KIR2DL4: variants seen among roughly 807,000 people sequenced by gnomAD.
The protein encoded by KIR2DL4 is killer cell immunoglobulin like receptor, two Ig domains and long cytoplasmic tail 4.
Under a neutral mutation model 31.0 loss-of-function variants are expected in KIR2DL4, and 41 were observed. The ratio of observed to expected loss-of-function variants is 1.32; its 90% CI spans 1.03 to 1.72. The LOEUF is 1.72. Among genes scored for constraint, KIR2DL4 ranks in the 40% most tolerant of loss-of-function variants. The probability of loss-of-function intolerance (pLI) is 0.00; values close to 1 mark genes in which losing one functional copy is unlikely to be tolerated. For synonymous variants in KIR2DL4, 164 were observed against 133.6 expected, an observed-to-expected ratio of 1.23 and a Z score of -1.57; for missense variants, 438 against 353.7, an observed-to-expected ratio of 1.24 and a Z score of -1.91.
chr19:54,806,073 G>C (rs540514355), exon 4 of KIR2DL4: 6 of 1,611,618 alleles, frequency 3.7e-6, no homozygotes, highest in Non-Finnish European at 5.1e-6. Context: ...CAGGGAGGGG[G>C]AAGCCCATGA....
exon 8 of KIR2DL4, chr19:54,814,454 C>T: frequency 3.1e-6 from 1 of 320,744 alleles, no homozygotes; most frequent in South Asian, 3.5e-5. Flanking sequence ...CATCAGCAAA[C>T]CTTATAAAAT....
chr19:54,810,651 G>A (rs1258787760), intron 5 of KIR2DL4, among the ~76,000 whole-genome samples: 2 of 151,378 alleles, frequency 1.3e-5, no homozygotes, highest in African/African-American at 4.9e-5. Flanking sequence ...AATGACATGG[G>A]GAGAATGACA....
At chr19:54,808,806 A>G in intron 4 of KIR2DL4, 27 bp from the exon 5 acceptor site, 1 of 1,515,614 alleles carries the variant, frequency 6.6e-7, no homozygotes, top group Admixed American at 1.7e-5. Flanking sequence ...CCTCATTGCC[A>G]CACCTCTCTC....
At chr19:54,810,456 G>A (rs1463158214) in intron 5 of KIR2DL4, among the ~76,000 whole-genome samples, 3 of 151,204 alleles carry the variant, frequency 2.0e-5, no homozygotes. Context: ...AGATAATGCT[G>A]AGTGTATAAT....
intron 4 of KIR2DL4, among the ~76,000 whole-genome samples, chr19:54,806,517 G>A (rs1288657264): frequency 6.6e-6 from 1 of 151,142 alleles, no homozygotes; most frequent in Non-Finnish European, 1.5e-5. Context: ...TCAGTTTGGG[G>A]AGATCAGAGG....
chr19:54,812,194 C>G (rs1198982266), intron 5 of KIR2DL4, among the ~76,000 whole-genome samples: 1 of 151,190 alleles, frequency 6.6e-6, no homozygotes, highest in African/African-American at 2.4e-5. Context: ...ACAGAACACA[C>G]AGGGAATACA....
chr19:54,804,231 G>A (rs1163442206), intron 2 of KIR2DL4, among the ~76,000 whole-genome samples: 1 of 150,810 alleles, frequency 6.6e-6, no homozygotes, highest in Non-Finnish European at 1.5e-5. Flanking sequence ...GGCCCAGGCG[G>A]GATACTGAGG....
chr19:54,810,665 C>G (rs1212760563), intron 5 of KIR2DL4, among the ~76,000 whole-genome samples: 1 of 151,258 alleles, frequency 6.6e-6, no homozygotes, highest in African/African-American at 2.4e-5. Context: ...AATGACAAGA[C>G]GACTGTGGAG....
At chr19:54,813,903 C>T in exon 8 of KIR2DL4, 1 of 1,612,474 alleles carries the variant, frequency 6.2e-7, no homozygotes, top group Non-Finnish European at 8.5e-7. Context: ...TGCATTTTCA[C>T]ACAGAGAAAA....
At chr19:54,813,143 A>T (rs763792207) in exon 6 of KIR2DL4, 2 of 1,507,396 alleles carry the variant, frequency 1.3e-6, no homozygotes, top group African/African-American at 3.2e-5. Flanking sequence ...AGACACCTGC[A>T]TGCTGTGATT....
chr19:54,814,114 G>A (rs1322586541), exon 8 of KIR2DL4: 5 of 1,609,996 alleles, frequency 3.1e-6, no homozygotes, highest in Admixed American at 1.7e-5. Flanking sequence ...GAATCTGAAG[G>A]CGTGAGTCTC....
intron 3 of KIR2DL4, 37 bp from the exon 4 acceptor site, chr19:54,805,914 A>C: frequency 6.4e-7 from 1 of 1,559,296 alleles, no homozygotes; most frequent in Middle Eastern, 1.7e-4. Flanking sequence ...GTGACAAGGA[A>C]GAACCTCCCT....
At chr19:54,803,824 C>T in intron 1 of KIR2DL4, 67 bp from the exon 2 acceptor site, 12 of 1,565,546 alleles carry the variant, frequency 7.7e-6, no homozygotes, top group Non-Finnish European at 1.1e-5. Flanking sequence ...GCGTGGCGCC[C>T]AGTGGCTCAG....
exon 4 of KIR2DL4, chr19:54,806,142 G>T: frequency 6.2e-7 from 1 of 1,611,930 alleles, no homozygotes; most frequent in Non-Finnish European, 8.5e-7. Context: ...CTTCCCTCTG[G>T]GTCCTGCCAC....
At chr19:54,813,791 G>A in intron 7 of KIR2DL4, 49 bp downstream of exon 6, 1 of 1,611,710 alleles carries the variant, frequency 6.2e-7, no homozygotes, top group East Asian at 2.2e-5. Flanking sequence ...TTCCGAAATA[G>A]TCCTGAAAAA....
chr19:54,804,714 G>A, intron 2 of KIR2DL4, 79 bp from the exon 3 acceptor site: 14 of 1,450,714 alleles, frequency 9.7e-6, no homozygotes, highest in Non-Finnish European at 1.3e-5. Flanking sequence ...AAGAAGAAAT[G>A]GGGAGAATCT....
chr19:54,806,222 C>A, exon 4 of KIR2DL4: 1 of 1,610,354 alleles, frequency 6.2e-7, no homozygotes, highest in South Asian at 1.1e-5. Flanking sequence ...ACCCGAGTGA[C>A]CCACTGCCTG....
At position 54,804,650 on chromosome 19, in the gene KIR2DL4, C is replaced by A. The variant is rs1244640993; in HGVS notation, c.77-143C>A. 1.8e-5 allele frequency: 14 copies of A among 794,278 alleles called. No individual in the cohort carries two copies. The Admixed American group carries it at 3.1e-4, about 18-fold the overall frequency. The allele number at this position is 794,278 out of a possible 1,614,324, so 49.2% of individuals were successfully genotyped here. On this transcript the variant is annotated intron_variant, in intron 2 of 7. Transcript: ENST00000359085. ...GTTGTAGGGAGACGCCACGTCTATG[C>A]GGGATGGGTCCTTCCTGTAGCCCCA...
At chr19:54,805,148 C>A in intron 3 of KIR2DL4, 71 bp downstream of exon 3, 1 of 1,438,612 alleles carries the variant, frequency 7.0e-7, no homozygotes, top group South Asian at 1.3e-5. Flanking sequence ...TGGGGGTGTC[C>A]ACCAGAGTCC....
Sources: gnomAD v4.1 joint callset for allele counts (sites outside exome capture counted in the v4.1 genomes callset) on GRCh38, gnomAD v4.1.1 for gene constraint, MANE v1.5 for transcripts, NCBI Gene and HGNC (gene_info 2026-07-23, HGNC 2026-07-21) for gene names.